USP46: variants seen among roughly 807,000 people sequenced by gnomAD.
USP46 encodes ubiquitin specific peptidase 46, also known as ubiquitin carboxyl-terminal hydrolase 46.
A neutral mutation model predicts 44.4 loss-of-function variants in USP46; 12 were observed. That is an observed-to-expected ratio of 0.27 (90% CI 0.17 to 0.44). The LOEUF (loss-of-function observed/expected upper bound fraction) is 0.44, where lower values mean the gene tolerates loss of function less well. Among genes scored for constraint, USP46 ranks in the 20% least tolerant of loss-of-function variants. The pLI is 1.00. For missense variants in USP46, 248 were observed against 444.8 expected, an observed-to-expected ratio of 0.56 and a Z score of 3.98; for synonymous variants, 155 against 161.5, an observed-to-expected ratio of 0.96 and a Z score of 0.31.
intron 1 of USP46, among the ~76,000 whole-genome samples, chr4:52,644,618 G>A (rs1272490433): frequency 1.3e-5 from 2 of 151,860 alleles, no homozygotes; most frequent in Non-Finnish European, 2.9e-5. Context: ...AATCTGAGGT[G>A]GAACGTTCAT....
intron 1 of USP46, among the ~76,000 whole-genome samples, chr4:52,653,047 T>G (rs939456493): frequency 1.5e-4 from 23 of 152,072 alleles, no homozygotes; most frequent in African/African-American, 5.3e-4. Flanking sequence ...CCCATCACCA[T>G]GATCTTAAAA....
rs183793429 is a variant in USP46 at position 52,612,916 on chromosome 4, C to T, written c.562-2299G>A. ...ATTTTTATATGTTTACTGTCTGTCTCCCCCTCGCTAAAATGAAAGTTCAAA... is the reference window on the plus strand; with the variant it reads ...ATTTTTATATGTTTACTGTCTGTCTTCCCCTCGCTAAAATGAAAGTTCAAA... On this transcript the variant is annotated intron_variant, in intron 4 of 8. Coordinates refer to ENST00000441222, the MANE Select transcript of USP46 (RefSeq NM_022832.4). Among the ~76,000 whole-genome samples, 305 of 152,282 alleles carry T rather than the reference C, an allele frequency of 2.0e-3. 1 individual carries two copies. Among genetic ancestry groups the T allele is most frequent in the African/African-American group, 6.8e-3 (284 of 41,564 alleles).
At chr4:52,658,675 C>CT (rs1328000122) in intron 1 of USP46, among the ~76,000 whole-genome samples, 8 of 152,216 alleles carry the variant, frequency 5.3e-5, no homozygotes, top group Admixed American at 5.2e-4. Context: ...TTTTAAACAC[C>CT]TCGGAAGGAC....
chr4:52,653,794 C>G (rs1293554239), intron 1 of USP46, among the ~76,000 whole-genome samples: 1 of 152,086 alleles, frequency 6.6e-6, no homozygotes, highest in Non-Finnish European at 1.5e-5. Context: ...TTAATACCAT[C>G]ATGGAACCCC....
intron 1 of USP46, among the ~76,000 whole-genome samples, chr4:52,641,370 T>A (rs929752733): frequency 6.6e-6 from 1 of 152,154 alleles, no homozygotes; most frequent in South Asian, 2.1e-4. Context: ...GACTATAATG[T>A]TAGCTCCTCA....
At chr4:52,608,856 G>T (rs960875596) in intron 5 of USP46, among the ~76,000 whole-genome samples, 1 of 152,198 alleles carries the variant, frequency 6.6e-6, no homozygotes, top group African/African-American at 2.4e-5. Flanking sequence ...GGAAAGAGAA[G>T]GTGGTGGTTT....
chr4:52,613,205 C>T (rs1045125263), intron 4 of USP46, among the ~76,000 whole-genome samples: 1 of 152,090 alleles, frequency 6.6e-6, no homozygotes, highest in Non-Finnish European at 1.5e-5. Context: ...TCTGGGAAAC[C>T]ATGCCCACTG....
In USP46 at chr4:52,631,160, A is replaced by G. The variant is rs763002485; in HGVS notation, c.37-16T>C. 16 of 1,546,918 alleles carry G rather than the reference A, an allele frequency of 1.0e-5. No homozygotes were observed. In the Middle Eastern group the frequency reaches 6.7e-4, roughly 65 times the overall value. On this transcript the variant is annotated splice_polypyrimidine_tract_variant and intron_variant, in intron 1 of 8. Transcript: ENST00000441222. ...CATTGGTGCCCTAAAAGAGAAAAAT[A>G]GCAAAAGTTCTGTTGCATGTAAAAT...
rs1716153121 is a variant in USP46, at chr4:52,594,596, G to GCATGTTGAA, written c.*3043_*3044insTTCAACATG. ...TTAATACACGTGAATATACAAAGTT[G>GCATGTTGAA]ATCAAAATGCAATGTTGAAAGATAA... On this transcript the variant is annotated 3_prime_UTR_variant, in exon 9 of 9. Transcript: ENST00000441222. The GCATGTTGAA allele has an allele frequency of 6.6e-6, 1 of 152,164 alleles. No homozygotes were observed. The highest frequency in any genetic ancestry group is 2.4e-5 in the African/African-American group (1 of 41,436). The allele number at this position is 152,164 out of a possible 1,614,324, so 9.4% of individuals were successfully genotyped here.
chr4:52,608,255 A>G (rs1229687041), intron 5 of USP46, among the ~76,000 whole-genome samples: 1 of 152,254 alleles, frequency 6.6e-6, no homozygotes, highest in Non-Finnish European at 1.5e-5. Flanking sequence ...AAACACAGCT[A>G]TCGTGTCCAA....
chr4:52,655,337 C>T (rs1333457176), intron 1 of USP46: 1 of 152,208 alleles, frequency 6.6e-6, no homozygotes, highest in African/African-American at 2.4e-5. Context: ...TGTGCCAACA[C>T]CAACATAGCA....
At position 52,596,399 on chromosome 4, in the gene USP46, A is replaced by G. The variant is rs1344277823; in HGVS notation, c.*1241T>C. The G allele has an allele frequency of 2.0e-5, 3 of 152,480 alleles. No homozygotes were observed. Among genetic ancestry groups the G allele is most frequent in the Non-Finnish European group, 4.4e-5 (3 of 68,040 alleles). The allele number at this position is 152,480 out of a possible 1,614,324, so 9.4% of individuals were successfully genotyped here. A position where few individuals can be genotyped will look rare whatever the true frequency, so the allele number is the denominator to read the frequency against. ...TACCAATATTCAAATGCTCTAATAA[A>G]TACATATATAACAAAAGTGAAAAAA... On this transcript the variant is annotated 3_prime_UTR_variant, in exon 9 of 9. Transcript: ENST00000441222.
intron 5 of USP46, among the ~76,000 whole-genome samples, chr4:52,608,890 G>A (rs1434355438): frequency 6.6e-6 from 1 of 152,178 alleles, no homozygotes; most frequent in Non-Finnish European, 1.5e-5. Context: ...ATTTGGAGGA[G>A]TAAGGGGAGA....
chr4:52,605,335 A>T (rs989090111), intron 5 of USP46, among the ~76,000 whole-genome samples: 3 of 152,122 alleles, frequency 2.0e-5, no homozygotes, highest in African/African-American at 7.2e-5. Context: ...TTTATTTTTT[A>T]AATGTCATGG....
At chr4:52,627,927 A>G in intron 3 of USP46, 23 bp downstream of exon 3, 2 of 1,600,122 alleles carry the variant, frequency 1.2e-6, no homozygotes, top group Non-Finnish European at 1.7e-6. Flanking sequence ...AGGCTTAAAT[A>G]CATTATACTG....
chr4:52,617,141 G>A (rs1717185481), intron 4 of USP46, among the ~76,000 whole-genome samples: 1 of 152,152 alleles, frequency 6.6e-6, no homozygotes, highest in Non-Finnish European at 1.5e-5. Flanking sequence ...CTGAACAAAT[G>A]GAAAGATATC....
At chr4:52,633,082 GGACTCACAACT>G (rs1717980057) in intron 1 of USP46, among the ~76,000 whole-genome samples, 1 of 152,074 alleles carries the variant, frequency 6.6e-6, no homozygotes, top group African/African-American at 2.4e-5. Context: ...TACTTATTTT[GGACTCACAACT>G]GGCATCTCCT....
At position 52,593,664 on chromosome 4, in the gene USP46, T is replaced by C. The variant is rs994431156; in HGVS notation, c.*3976A>G. 2 of 152,248 alleles carry C rather than the reference T, an allele frequency of 1.3e-5. No individual in the cohort carries two copies. Among genetic ancestry groups the C allele is most frequent in the Non-Finnish European group, 2.9e-5 (2 of 68,060 alleles). The allele number at this position is 152,248 out of a possible 1,614,324, so 9.4% of individuals were successfully genotyped here. A position where few individuals can be genotyped will look rare whatever the true frequency, so the allele number is the denominator to read the frequency against. On this transcript the variant is annotated 3_prime_UTR_variant, in exon 9 of 9. Transcript: ENST00000441222. ...GAACCCACGTGAGTATTTCTGAAGCTGGGGGGTCCCCCATGGCTCAGAAAC... is the reference window on the plus strand; with the variant it reads ...GAACCCACGTGAGTATTTCTGAAGCCGGGGGGTCCCCCATGGCTCAGAAAC...
intron 7 of USP46, 133 bp from the exon 8 acceptor site, chr4:52,598,839 G>T: frequency 1.3e-6 from 1 of 759,790 alleles, no homozygotes; most frequent in Non-Finnish European, 2.1e-6. Context: ...TTGGCATATA[G>T]CTCATGTCTA....
Sources: gnomAD v4.1 joint callset for allele counts (sites outside exome capture counted in the v4.1 genomes callset) on GRCh38, gnomAD v4.1.1 for gene constraint, MANE v1.5 for transcripts, NCBI Gene and HGNC (gene_info 2026-07-23, HGNC 2026-07-21) for gene names.